Variants in CCDC141 observed in about 807,000 individuals in gnomAD.
CCDC141 encodes coiled-coil domain-containing protein 141.
Under a neutral mutation model 181.0 loss-of-function variants are expected in CCDC141, and 168 were observed. The ratio of observed to expected loss-of-function variants is 0.93; its 90% CI spans 0.82 to 1.05. The LOEUF (loss-of-function observed/expected upper bound fraction) is 1.05, where lower values mean the gene tolerates loss of function less well. Among genes scored for constraint, CCDC141 ranks in the 50% least tolerant of loss-of-function variants. CCDC141 has a pLI of 0.00. For missense variants in CCDC141, 1,902 were observed against 1,788.5 expected (o/e 1.06, Z -1.14); for synonymous variants, 666 against 642.3 (o/e 1.04, Z -0.56).
chr2:179,045,620 T>G (rs964635751), intron 2 of CCDC141, among the ~76,000 whole-genome samples: 3 of 151,628 alleles, frequency 2.0e-5, no homozygotes, highest in Non-Finnish European at 4.4e-5. Context: ...TAGTTTACAG[T>G]CCCACCAACA....
chr2:179,039,653 C>A (rs2043240096), intron 2 of CCDC141, among the ~76,000 whole-genome samples: 1 of 152,136 alleles, frequency 6.6e-6, no homozygotes, highest in African/African-American at 2.4e-5. Context: ...ATGATTAGAA[C>A]AAATTGCAAG....
intron 2 of CCDC141, 146 bp downstream of exon 2, chr2:179,047,138 A>C: frequency 1.7e-6 from 1 of 577,326 alleles, no homozygotes; most frequent in Non-Finnish European, 2.7e-6. Flanking sequence ...CTGTTTGTTC[A>C]TAAATAACTA....
At chr2:178,986,683 A>G (rs979232806) in intron 2 of CCDC141, among the ~76,000 whole-genome samples, 114 of 152,086 alleles carry the variant, frequency 7.5e-4, no homozygotes, top group African/African-American at 2.6e-3. Flanking sequence ...ACAGACAAAC[A>G]GAGAGCCAAA....
chr2:179,005,027 C>T (rs962735254), intron 2 of CCDC141, among the ~76,000 whole-genome samples: 5 of 152,204 alleles, frequency 3.3e-5, no homozygotes, highest in African/African-American at 9.6e-5. Context: ...CCACCGCCCC[C>T]GGCCTAAAGA....
intron 2 of CCDC141, among the ~76,000 whole-genome samples, chr2:178,985,639 C>T (rs1048243542): frequency 2.2e-4 from 33 of 151,888 alleles, no homozygotes; most frequent in Middle Eastern, 3.2e-3. Flanking sequence ...GGGGATATCA[C>T]CACCGATCCC....
chr2:178,930,830 C>A (rs2154375787), intron 6 of CCDC141, among the ~76,000 whole-genome samples: 1 of 152,202 alleles, frequency 6.6e-6, no homozygotes, highest in South Asian at 2.1e-4. Context: ...GATCTAAATA[C>A]ATACACTAAA....
chr2:178,905,586 C>A (rs914584047), intron 7 of CCDC141, 85 bp from the exon 8 acceptor site: 4 of 1,193,988 alleles, frequency 3.4e-6, no homozygotes, highest in Non-Finnish European at 4.5e-6. Flanking sequence ...GCAATTAAAT[C>A]AGGCCAAACA....
chr2:178,961,460 G>C lies in CCDC141; in HGVS notation c.550C>G (p.Leu184Val), dbSNP rs566687204. 3.0e-5 allele frequency: 46 copies of C among 1,549,996 alleles called. 1 individual carries two copies. The South Asian group carries it at 5.2e-4, about 18-fold the overall frequency. Reference protein sequence around the residue: ...TKELLERSLALLNKSQQLTDF... With the variant: ...TKELLERSLAVLNKSQQLTDF... ...GTGAGTTGTTGACTTTTGTTTAAAA[G>C]GGCTAAAGACCGTTCCAAGAGTTCT... The change falls in exon 5 of 24, where the codon CTT becomes GTT. Residue 184 changes from leucine (L) to valine (V), a missense_variant. By Grantham distance (32) the Leu-to-Val change is conservative (BLOSUM62 1). Coordinates refer to ENST00000443758, the MANE Select transcript of CCDC141 (RefSeq NM_173648.4).
intron 2 of CCDC141, among the ~76,000 whole-genome samples, chr2:179,015,458 T>TATATATCTCATATATGTGCC (rs1441149971): frequency 1.6e-5 from 2 of 123,734 alleles, no homozygotes; most frequent in African/African-American, 5.4e-5. Context: ...ATATGTACCA[T>TATATATCTCATATATGTGCC]ATATATCTCA....
At chr2:178,939,579 T>C (rs1348309271) in intron 6 of CCDC141, among the ~76,000 whole-genome samples, 1 of 152,086 alleles carries the variant, frequency 6.6e-6, no homozygotes, top group Non-Finnish European at 1.5e-5. Flanking sequence ...TCTAATCAGA[T>C]GGATAGTTGA....
chr2:179,044,098 A>T (rs759179471), intron 2 of CCDC141, among the ~76,000 whole-genome samples: 1 of 152,222 alleles, frequency 6.6e-6, no homozygotes, highest in African/African-American at 2.4e-5. Context: ...ACAACTAACA[A>T]GAAAAGTGAA....
intron 2 of CCDC141, among the ~76,000 whole-genome samples, chr2:179,015,393 T>TCATATATCTCATATATGTAC (rs1194139730): frequency 3.6e-5 from 5 of 137,290 alleles, no homozygotes; most frequent in African/African-American, 8.1e-5. Flanking sequence ...CATATATGTA[T>TCATATATCTCATATATGTAC]CATATATCTC....
intron 6 of CCDC141, among the ~76,000 whole-genome samples, chr2:178,926,220 C>G (rs1688904361): frequency 1.3e-5 from 2 of 152,026 alleles, no homozygotes; most frequent in South Asian, 2.1e-4. Context: ...CACTTACAAT[C>G]AGACAAATTT....
chr2:178,863,396 T>C (rs754159408), intron 17 of CCDC141, among the ~76,000 whole-genome samples: 12 of 152,248 alleles, frequency 7.9e-5, no homozygotes, highest in Admixed American at 6.5e-5. Flanking sequence ...TCCTCTGGCA[T>C]GTTATCTAAT....
At chr2:178,881,890 GTCTCTCTC>G (rs575583072) in intron 11 of CCDC141, among the ~76,000 whole-genome samples, 58 of 94,610 alleles carry the variant, frequency 6.1e-4, no homozygotes, top group African/African-American at 2.6e-3. Flanking sequence ...GTGAGACCCT[GTCTCTCTC>G]TCTCTCTCTC....
At chr2:178,876,680 C>T (rs1040041175) in intron 12 of CCDC141, 1 of 152,130 alleles carries the variant, frequency 6.6e-6, no homozygotes, top group Admixed American at 6.5e-5. Context: ...GCCCTTTAGG[C>T]ATTTATATTT....
intron 2 of CCDC141, among the ~76,000 whole-genome samples, chr2:179,046,986 T>C (rs956901006): frequency 1.3e-5 from 2 of 152,128 alleles, no homozygotes; most frequent in South Asian, 2.1e-4. Flanking sequence ...ATGCATGAAA[T>C]GAAAAAATGA....
At chr2:179,037,793 T>C (rs2043185450) in intron 2 of CCDC141, among the ~76,000 whole-genome samples, 1 of 152,098 alleles carries the variant, frequency 6.6e-6, no homozygotes, top group Non-Finnish European at 1.5e-5. Flanking sequence ...AAAACCACAA[T>C]AACATATCAC....
chr2:178,867,968 T>C (rs1037595837), intron 16 of CCDC141, 58 bp downstream of exon 16: 2 of 1,412,892 alleles, frequency 1.4e-6, no homozygotes, highest in Non-Finnish European at 1.9e-6. Context: ...TTCTTTCATA[T>C]GCTAGCCCAA....
Sources: allele counts gnomAD v4.1 joint callset (sites outside exome capture counted in the v4.1 genomes callset), GRCh38; gene constraint gnomAD v4.1.1; transcripts MANE v1.5; gene names NCBI Gene and HGNC (gene_info 2026-07-23, HGNC 2026-07-21).